The following FAM163A variants were observed in gnomAD, a reference collection of about 807,000 sequenced individuals.
The protein encoded by FAM163A is family with sequence similarity 163 member A.
Under a neutral mutation model 12.0 loss-of-function variants are expected in FAM163A, and 7 were observed. That is an observed-to-expected ratio of 0.58 (90% CI 0.33 to 1.10). The LOEUF is 1.10. Among genes scored for constraint, FAM163A ranks in the 50% least tolerant of loss-of-function variants. The pLI is 0.03. For missense variants in FAM163A, 202 were observed against 218.6 expected, an observed-to-expected ratio of 0.92 and a Z score of 0.48; for synonymous variants, 101 against 91.0, an observed-to-expected ratio of 1.11 and a Z score of -0.62.
At chr1:179,737,014 G>T in the FAM163A span, among the ~76,000 whole-genome samples, 1 of 151,962 alleles carries the variant, frequency 6.6e-6, no homozygotes, top group Non-Finnish European at 1.5e-5. Flanking sequence ...TCCCACTTCT[G>T]ATATATATCT....
chr1:179,748,038 G>C (rs1474405112), intron 1 of FAM163A, among the ~76,000 whole-genome samples: 1 of 152,118 alleles, frequency 6.6e-6, no homozygotes, highest in Non-Finnish European at 1.5e-5. Flanking sequence ...GTGGAAGGCT[G>C]TGAAGATGAG....
intron 1 of FAM163A, chr1:179,804,000 G>A (rs1302760021): frequency 7.2e-6 from 1 of 138,548 alleles, no homozygotes; most frequent in East Asian, 2.1e-4. Context: ...GCAGGAGGAG[G>A]GGGAAGCCTA....
intron 1 of FAM163A, among the ~76,000 whole-genome samples, chr1:179,771,243 C>A (rs1432934687): frequency 6.6e-6 from 1 of 152,140 alleles, no homozygotes; most frequent in Non-Finnish European, 1.5e-5. Context: ...AGAGTGCCGG[C>A]TCCCCCTGTG....
At chr1:179,758,351 C>A (rs981697263) in intron 1 of FAM163A, among the ~76,000 whole-genome samples, 1 of 152,182 alleles carries the variant, frequency 6.6e-6, no homozygotes, top group African/African-American at 2.4e-5. Flanking sequence ...GACAAGAACT[C>A]TTCTGGTACC....
rs563058756 is a variant in FAM163A, at chr1:179,815,722, A to C, written c.*1533A>C. 3.9e-5 allele frequency: 6 copies of C among 152,128 alleles called. No homozygotes were observed. The highest frequency in any genetic ancestry group is 1.4e-4 in the African/African-American group (6 of 41,474). 9.4% of individuals were successfully genotyped at this position (152,128 alleles called of 1,614,324 possible). A position where few individuals can be genotyped will look rare whatever the true frequency, so the allele number is the denominator to read the frequency against. The stretch of plus-strand genomic sequence containing the variant: ...CACTCCTGAGTCACTGAATTCGAGG[A>C]GGGTGGGGCAGGGAAAGGGCTGGCC... On this transcript the variant is annotated 3_prime_UTR_variant, in exon 5 of 5. Transcript: ENST00000341785.
chr1:179,751,897 C>A (rs1685330142), intron 1 of FAM163A, among the ~76,000 whole-genome samples: 1 of 152,114 alleles, frequency 6.6e-6, no homozygotes, highest in African/African-American at 2.4e-5. Context: ...AAGTGATTGG[C>A]AGATACAATG....
At chr1:179,779,688 T>A (rs1242836060) in intron 1 of FAM163A, among the ~76,000 whole-genome samples, 1 of 152,228 alleles carries the variant, frequency 6.6e-6, no homozygotes, top group Non-Finnish European at 1.5e-5. Flanking sequence ...TCATATGGGC[T>A]TTTTACTATC....
chr1:179,802,848 G>A (rs530201359), intron 1 of FAM163A, among the ~76,000 whole-genome samples: 1 of 152,128 alleles, frequency 6.6e-6, no homozygotes, highest in East Asian at 1.9e-4. Flanking sequence ...TGAGCCTTTA[G>A]GGTAAACCAC....
intron 1 of FAM163A, among the ~76,000 whole-genome samples, chr1:179,794,242 C>G (rs1240900186): frequency 6.6e-6 from 1 of 152,232 alleles, no homozygotes; most frequent in Non-Finnish European, 1.5e-5. Context: ...ACAACTGGTT[C>G]TTACCACCAA....
At chr1:179,768,484 T>C (rs1306542319) in intron 1 of FAM163A, among the ~76,000 whole-genome samples, 1 of 152,238 alleles carries the variant, frequency 6.6e-6, no homozygotes, top group East Asian at 1.9e-4. Context: ...AAATAGGCTC[T>C]CCAAGATTAC....
Position 179,750,040 on chromosome 1 carries a change from A to G in FAM163A, c.-136+6617A>G, listed in dbSNP as rs1327963996. On this transcript the variant is annotated intron_variant, in intron 1 of 4. Transcript: ENST00000341785. ...TCTGTTTTAATGCAGGAAACCCTCA[A>G]TCCAGCTGGTAGAACACCAGGGCTC... 2.0e-5 allele frequency among the ~76,000 whole-genome samples: 3 copies of G among 152,304 alleles called. No homozygotes were observed. In the East Asian group the frequency reaches 5.8e-4, roughly 29 times the overall value.
chr1:179,757,033 G>A (rs1447231682), intron 1 of FAM163A, among the ~76,000 whole-genome samples: 1 of 152,236 alleles, frequency 6.6e-6, no homozygotes, highest in Admixed American at 6.5e-5. Context: ...TTAGAGAAAT[G>A]TTGCTGTGAT....
At chr1:179,734,077 T>A in the FAM163A span, among the ~76,000 whole-genome samples, 1 of 152,208 alleles carries the variant, frequency 6.6e-6, no homozygotes, top group Non-Finnish European at 1.5e-5. Flanking sequence ...GCAAAATGAA[T>A]AAATATTGAC....
intron 1 of FAM163A, among the ~76,000 whole-genome samples, chr1:179,806,301 C>T (rs888682797): frequency 6.6e-6 from 1 of 152,222 alleles, no homozygotes; most frequent in Non-Finnish European, 1.5e-5. Context: ...CTGTGATACC[C>T]AGTCGCATTA....
At chr1:179,782,694 A>G (rs1052231671) in intron 1 of FAM163A, among the ~76,000 whole-genome samples, 2 of 152,208 alleles carry the variant, frequency 1.3e-5, no homozygotes, top group Non-Finnish European at 2.9e-5. Context: ...GTTTGAGAAT[A>G]AAGAACATTA....
intron 1 of FAM163A, among the ~76,000 whole-genome samples, chr1:179,778,847 A>G (rs961248667): frequency 5.9e-5 from 9 of 152,182 alleles, no homozygotes; most frequent in Non-Finnish European, 1.3e-4. Context: ...CCTAGTAACA[A>G]TGTTTCTTCA....
At position 179,813,763 on chromosome 1, in the gene FAM163A, C is replaced by T; in HGVS notation, c.94-16C>T. ...AGCATTCACCCTCTCAGGCATCCCT[C>T]TGCCCTTCCGCACAGTATTACTGCT... On this transcript the variant is annotated splice_polypyrimidine_tract_variant and intron_variant, in intron 4 of 4. Transcript: ENST00000341785. The T allele has an allele frequency of 6.2e-7, 1 of 1,613,624 alleles. No homozygotes were observed. Among genetic ancestry groups the T allele is most frequent in the Non-Finnish European group, 8.5e-7 (1 of 1,179,962 alleles).
chr1:179,776,954 C>T (rs983816037), intron 1 of FAM163A, among the ~76,000 whole-genome samples: 7 of 152,220 alleles, frequency 4.6e-5, no homozygotes, highest in Non-Finnish European at 5.9e-5. Context: ...GGAAATTTTA[C>T]GCCAATGGAA....
intron 1 of FAM163A, among the ~76,000 whole-genome samples, chr1:179,807,428 A>G (rs997302600): frequency 3.9e-5 from 6 of 152,214 alleles, no homozygotes; most frequent in African/African-American, 1.4e-4. Context: ...CAACAAGGAC[A>G]CATCCACTGA....
Sources: allele counts gnomAD v4.1 joint callset (sites outside exome capture counted in the v4.1 genomes callset), GRCh38; gene constraint gnomAD v4.1.1; transcripts MANE v1.5; gene names NCBI Gene and HGNC (gene_info 2026-07-23, HGNC 2026-07-21).